The following ARIH1 variants were observed in gnomAD, a reference collection of about 807,000 sequenced individuals.
ARIH1 encodes the protein E3 ubiquitin-protein ligase ARIH1.
Under a neutral mutation model 85.0 loss-of-function variants are expected in ARIH1, and 8 were observed. That is an observed-to-expected ratio of 0.09 (90% CI 0.06 to 0.17). ARIH1 has a LOEUF of 0.17. ARIH1 is among the 10% of genes least tolerant of loss of function. ARIH1 has a pLI of 1.00. For missense variants in ARIH1, 311 were observed against 718.1 expected, an observed-to-expected ratio of 0.43 and a Z score of 6.48; for synonymous variants, 238 against 253.6, an observed-to-expected ratio of 0.94 and a Z score of 0.59.
chr15:72,485,802 A>T (rs1250889000), intron 1 of ARIH1, among the ~76,000 whole-genome samples: 1 of 152,280 alleles, frequency 6.6e-6, no homozygotes, highest in East Asian at 1.9e-4. Context: ...TTTGATCTTG[A>T]CACTATATTA....
chr15:72,581,064 A>C (rs1462373351), intron 12 of ARIH1, 73 bp downstream of exon 12: 2 of 1,481,202 alleles, frequency 1.4e-6, no homozygotes, highest in Non-Finnish European at 9.1e-7. Context: ...TATATAAGAT[A>C]CAGAGTTTTC....
At chr15:72,512,104 A>C (rs2140407509) in intron 1 of ARIH1, among the ~76,000 whole-genome samples, 1 of 152,170 alleles carries the variant, frequency 6.6e-6, no homozygotes, top group East Asian at 1.9e-4. Flanking sequence ...ATCTTTGTTC[A>C]TGTAGTAATT....
At chr15:72,561,581 G>C (rs1264236233) in intron 6 of ARIH1, 32 bp downstream of exon 6, 1 of 1,289,218 alleles carries the variant, frequency 7.8e-7, no homozygotes, top group South Asian at 1.4e-5. Context: ...TTGTAAGAAG[G>C]AATTCTGTTT....
chr15:72,504,274 C>CT (rs2140403158), intron 1 of ARIH1, among the ~76,000 whole-genome samples: 1 of 152,142 alleles, frequency 6.6e-6, no homozygotes, highest in South Asian at 2.1e-4. Flanking sequence ...AGGCTGGACT[C>CT]GAGCTTCTGA....
intron 9 of ARIH1, 103 bp from the exon 10 acceptor site, chr15:72,570,074 T>C (rs1309887101): frequency 1.5e-6 from 2 of 1,334,264 alleles, no homozygotes; most frequent in Admixed American, 2.0e-5. Flanking sequence ...CCACAATAAA[T>C]AAAATGTTTA....
intron 1 of ARIH1, among the ~76,000 whole-genome samples, chr15:72,486,693 A>AAT: frequency 1.5e-5 from 1 of 68,586 alleles, no homozygotes; most frequent in Non-Finnish European, 3.3e-5. Flanking sequence ...TTTAAAAATG[A>AAT]CTTTTTTTTT....
chr15:72,537,468 GAGAA>G (rs1277750211), intron 2 of ARIH1, among the ~76,000 whole-genome samples: 1 of 152,120 alleles, frequency 6.6e-6, no homozygotes, highest in Non-Finnish European at 1.5e-5. Flanking sequence ...TTCCCCAGAA[GAGAA>G]AGAACTATTT....
chr15:72,516,901 A>T (rs751722774), intron 1 of ARIH1, among the ~76,000 whole-genome samples: 16 of 152,332 alleles, frequency 1.1e-4, no homozygotes, highest in Admixed American at 3.9e-4. Flanking sequence ...TATATGAGAT[A>T]AAAATAAGCA....
chr15:72,542,285 AGTG>A (rs2064110715), intron 2 of ARIH1, among the ~76,000 whole-genome samples: 1 of 152,220 alleles, frequency 6.6e-6, no homozygotes. Context: ...AAAATTTTAA[AGTG>A]GTAATTAAAC....
In ARIH1 at chr15:72,596,699, T is replaced by C. The variant is rs1251293170; in HGVS notation, c.*13407T>C. 1 of 152,208 alleles carries C rather than the reference T, an allele frequency of 6.6e-6. No individual in the cohort carries two copies. Among genetic ancestry groups the C allele is most frequent in the African/African-American group, 2.4e-5 (1 of 41,462 alleles). 9.4% of individuals were successfully genotyped at this position (152,208 alleles called of 1,614,324 possible). The stretch of plus-strand genomic sequence containing the variant: ...TAACCATCTTTAAGTTTTTTGATGC[T>C]TTCCAATGTTAACCTGTTAAACTTG... On this transcript the variant is annotated 3_prime_UTR_variant, in exon 14 of 14. Coordinates refer to ENST00000379887, the MANE Select transcript of ARIH1 (RefSeq NM_005744.5).
At chr15:72,494,542 G>A (rs975912721) in intron 1 of ARIH1, among the ~76,000 whole-genome samples, 2 of 152,142 alleles carry the variant, frequency 1.3e-5, no homozygotes, top group African/African-American at 2.4e-5. Flanking sequence ...GGCTAGACAG[G>A]CAGTGTGATC....
At chr15:72,542,625 G>A (rs991549977) in intron 2 of ARIH1, among the ~76,000 whole-genome samples, 4 of 152,160 alleles carry the variant, frequency 2.6e-5, no homozygotes, top group African/African-American at 7.2e-5. Flanking sequence ...AGACAAAGGT[G>A]TCTGTTAGAT....
intron 1 of ARIH1, 95 bp downstream of exon 1, chr15:72,475,109 C>T (rs1241455225): frequency 1.3e-6 from 2 of 1,495,414 alleles, no homozygotes; most frequent in Non-Finnish European, 1.8e-6. Flanking sequence ...GGGCCTGGTG[C>T]GCAGCCTAGC....
At chr15:72,525,480 C>G (rs1369913563) in intron 2 of ARIH1, among the ~76,000 whole-genome samples, 1 of 152,102 alleles carries the variant, frequency 6.6e-6, no homozygotes, top group Non-Finnish European at 1.5e-5. Flanking sequence ...TGTAATCAAA[C>G]AAGGATTATG....
intron 1 of ARIH1, among the ~76,000 whole-genome samples, chr15:72,513,501 T>C (rs992597676): frequency 7.2e-5 from 11 of 152,192 alleles, no homozygotes; most frequent in African/African-American, 2.4e-4. Flanking sequence ...TTCAACAGTT[T>C]TATAAGTTTT....
At chr15:72,479,899 G>T (rs1015540220) in intron 1 of ARIH1, among the ~76,000 whole-genome samples, 17 of 150,448 alleles carry the variant, frequency 1.1e-4, no homozygotes, top group Non-Finnish European at 2.1e-4. Context: ...ACGGAGTCTC[G>T]CTTTGTTGCC....
At chr15:72,493,971 T>C (rs1350059191) in intron 1 of ARIH1, among the ~76,000 whole-genome samples, 1 of 152,202 alleles carries the variant, frequency 6.6e-6, no homozygotes, top group African/African-American at 2.4e-5. Flanking sequence ...TCTGCCTTTA[T>C]ACCTCAACTA....
intron 9 of ARIH1, among the ~76,000 whole-genome samples, chr15:72,568,947 A>G (rs1241166900): frequency 6.6e-6 from 1 of 152,198 alleles, no homozygotes; most frequent in Admixed American, 6.5e-5. Flanking sequence ...ACAAACCTCA[A>G]TCACAAATGC....
chr15:72,516,508 A>C lies in ARIH1; in HGVS notation c.376-1559A>C, dbSNP rs566152687. Among the ~76,000 whole-genome samples, 6 of 152,338 alleles carry C rather than the reference A, an allele frequency of 3.9e-5. No individual in the cohort carries two copies. In the South Asian group the frequency reaches 1.2e-3, roughly 32 times the overall value. On this transcript the variant is annotated intron_variant, in intron 1 of 13. Transcript: ENST00000379887. The stretch of plus-strand genomic sequence containing the variant: ...TTCTGTTTTCTCTACAAATAAACGT[A>C]TAACTTAGGATCAGTTAAAATATTT...
Sources: gnomAD v4.1 joint callset for allele counts (sites outside exome capture counted in the v4.1 genomes callset) on GRCh38, gnomAD v4.1.1 for gene constraint, MANE v1.5 for transcripts, NCBI Gene and HGNC (gene_info 2026-07-23, HGNC 2026-07-21) for gene names.